FAT3: variants seen among roughly 807,000 people sequenced by gnomAD.
FAT3 encodes the protein protocadherin Fat 3.
A neutral mutation model predicts 310.2 loss-of-function variants in FAT3; 95 were observed. That is an observed-to-expected ratio of 0.31 (90% confidence interval 0.26 to 0.36). FAT3 has a LOEUF of 0.36. Among genes scored for constraint, FAT3 ranks in the 10% least tolerant of loss-of-function variants. The pLI is 1.00. For synonymous variants in FAT3, 2,314 were observed against 2,192.9 expected (o/e 1.06, Z -1.54); for missense variants, 5,408 against 5,715.6 (o/e 0.95, Z 1.74).
At chr11:92,861,544 G>C (rs1480015532) in intron 21 of FAT3, among the ~76,000 whole-genome samples, 1 of 152,210 alleles carries the variant, frequency 6.6e-6, no homozygotes, top group Non-Finnish European at 1.5e-5. Context: ...ATAAACTAGA[G>C]ATGGATGCTA....
intron 3 of FAT3, among the ~76,000 whole-genome samples, chr11:92,604,614 A>G (rs1352649839): frequency 3.9e-5 from 6 of 152,178 alleles, no homozygotes. Flanking sequence ...CCTAATGTCT[A>G]TACACATCCT....
intron 4 of FAT3, among the ~76,000 whole-genome samples, chr11:92,724,542 T>A (rs1234432117): frequency 6.6e-6 from 1 of 152,230 alleles, no homozygotes; most frequent in Non-Finnish European, 1.5e-5. Flanking sequence ...TAGACCTCCA[T>A]CCAAGTCACT....
intron 2 of FAT3, among the ~76,000 whole-genome samples, chr11:92,488,847 C>A (rs1952512249): frequency 6.6e-6 from 1 of 152,126 alleles, no homozygotes; most frequent in Admixed American, 6.6e-5. Context: ...TCAGCTCTGC[C>A]ACTTACTAGC....
chr11:92,722,277 C>T (rs1274374125), intron 4 of FAT3, among the ~76,000 whole-genome samples: 3 of 152,122 alleles, frequency 2.0e-5, no homozygotes, highest in Non-Finnish European at 4.4e-5. Context: ...GGGTTACAGG[C>T]CCCCTGCAAG....
intron 2 of FAT3, among the ~76,000 whole-genome samples, chr11:92,515,154 G>A (rs1758869388): frequency 6.6e-6 from 1 of 152,120 alleles, no homozygotes; most frequent in African/African-American, 2.4e-5. Context: ...ATGTCAGGCA[G>A]CCAGAAACTC....
At chr11:92,738,716 T>G (rs1945421559) in intron 4 of FAT3, among the ~76,000 whole-genome samples, 1 of 152,182 alleles carries the variant, frequency 6.6e-6, no homozygotes, top group African/African-American at 2.4e-5. Context: ...AGTATGTACA[T>G]TTTTTTGTGT....
chr11:92,245,058 C>T (rs1352704777), intron 1 of FAT3, among the ~76,000 whole-genome samples: 2 of 152,070 alleles, frequency 1.3e-5, no homozygotes, highest in Non-Finnish European at 2.9e-5. Context: ...TATTGCAGCA[C>T]TGTTCACAAT....
At chr11:92,428,091 G>A (rs1950676095) in intron 2 of FAT3, among the ~76,000 whole-genome samples, 1 of 151,732 alleles carries the variant, frequency 6.6e-6, no homozygotes, top group South Asian at 2.1e-4. Context: ...CTTCTTCCTG[G>A]TTTAGTCTTG....
intron 13 of FAT3, among the ~76,000 whole-genome samples, chr11:92,828,772 C>T (rs767268310): frequency 5.3e-5 from 8 of 152,252 alleles, no homozygotes; most frequent in Non-Finnish European, 1.2e-4. Flanking sequence ...AACAACAGGG[C>T]TAGTCAGCTG....
At position 92,474,065 on chromosome 11, in the gene FAT3, A is replaced by G. The variant is rs1951981573; in HGVS notation, c.3293-50569A>G. ...GAACGTAACTTTTGATTGTCAGAAG[A>G]TAAAGGAGCAGCCTGATCTTCCTTT... On this transcript the variant is annotated intron_variant, in intron 2 of 27. Coordinates refer to ENST00000525166, the MANE Select transcript of FAT3 (RefSeq NM_001367949.2). Among the ~76,000 whole-genome samples, 9 of 152,184 alleles carry G rather than the reference A, an allele frequency of 5.9e-5. No individual in the cohort carries two copies. The South Asian group carries it at 1.9e-3, about 32-fold the overall frequency.
At chr11:92,400,633 A>G (rs1222601479) in intron 2 of FAT3, 1 of 152,034 alleles carries the variant, frequency 6.6e-6, no homozygotes, top group African/African-American at 2.4e-5. Flanking sequence ...GGTACTTTCT[A>G]TAAAGTTTTT....
intron 3 of FAT3, among the ~76,000 whole-genome samples, chr11:92,551,317 T>G (rs1466740239): frequency 6.6e-6 from 1 of 152,004 alleles, no homozygotes; most frequent in Non-Finnish European, 1.5e-5. Context: ...TGTCTATCCA[T>G]CTTGGTTGCA....
At chr11:92,858,104 T>C (rs906027295) in intron 20 of FAT3, among the ~76,000 whole-genome samples, 2 of 152,170 alleles carry the variant, frequency 1.3e-5, no homozygotes, top group African/African-American at 4.8e-5. Flanking sequence ...AATAAAAAAA[T>C]AACCATGCCT....
intron 2 of FAT3, among the ~76,000 whole-genome samples, chr11:92,358,785 A>G (rs527450400): frequency 2.0e-5 from 3 of 152,160 alleles, no homozygotes; most frequent in South Asian, 2.1e-4. Context: ...TGAATGATCC[A>G]TCAATTTTTT....
Position 92,697,383 on chromosome 11 carries a change from G to T in FAT3, c.3608-1G>T, listed in dbSNP as rs1452161777. 1 of 1,613,554 alleles carries T rather than the reference G, an allele frequency of 6.2e-7. No homozygotes were observed. The highest frequency in any genetic ancestry group is 8.5e-7 in the Non-Finnish European group (1 of 1,179,730). On this transcript the variant is annotated splice_acceptor_variant, in intron 3 of 27. Transcript: ENST00000525166. LOFTEE classifies it high-confidence loss of function. ...AGTCAAATATTCTCATTTCTACACA[G>T]GTCTGATTACAACAACTTCAAGGAA... is the stretch of plus-strand genomic sequence containing the variant.
chr11:92,496,349 G>A (rs146093415), intron 2 of FAT3, among the ~76,000 whole-genome samples: 20 of 151,890 alleles, frequency 1.3e-4, no homozygotes, highest in Admixed American at 1.1e-3. Flanking sequence ...CCTCTCCACC[G>A]CACCCTCTGC....
At chr11:92,582,565 A>G (rs1268562500) in intron 3 of FAT3, among the ~76,000 whole-genome samples, 6 of 152,056 alleles carry the variant, frequency 3.9e-5, no homozygotes, top group Non-Finnish European at 8.8e-5. Context: ...ACAGAGTTTT[A>G]TAGATAAGGA....
intron 16 of FAT3, 101 bp downstream of exon 16, chr11:92,836,804 T>C (rs543700299): frequency 1.5e-6 from 2 of 1,373,774 alleles, no homozygotes; most frequent in African/African-American, 2.9e-5. Context: ...TTCTCCATTC[T>C]AAGTAATGAG....
At chr11:92,698,623 C>T (rs537403144) in intron 4 of FAT3, among the ~76,000 whole-genome samples, 4 of 151,928 alleles carry the variant, frequency 2.6e-5, no homozygotes, top group African/African-American at 9.7e-5. Flanking sequence ...TCATACAATA[C>T]TATGATAATC....
Sources: gnomAD v4.1 joint callset for allele counts (sites outside exome capture counted in the v4.1 genomes callset) on GRCh38, gnomAD v4.1.1 for gene constraint, MANE v1.5 for transcripts, NCBI Gene and HGNC (gene_info 2026-07-23, HGNC 2026-07-21) for gene names.